Variants in WWOX observed in about 807,000 individuals in gnomAD.
The protein encoded by WWOX is WW domain-containing oxidoreductase.
WWOX carries 69 observed loss-of-function variants against 46.2 expected under a neutral mutation model. The ratio of observed to expected loss-of-function variants is 1.49; its 90% CI spans 1.23 to 1.82. The LOEUF (loss-of-function observed/expected upper bound fraction) is 1.82. Ranked by LOEUF, WWOX falls within the 40% of genes most tolerant of loss-of-function variation. WWOX has a pLI of 0.00. For missense variants in WWOX, 919 were observed against 542.6 expected, an observed-to-expected ratio of 1.69 and a Z score of -6.89; for synonymous variants, 359 against 202.6, an observed-to-expected ratio of 1.77 and a Z score of -6.56.
intron 8 of WWOX, among the ~76,000 whole-genome samples, chr16:78,867,604 A>C (rs1192601663): frequency 1.3e-5 from 2 of 151,554 alleles, no homozygotes; most frequent in Non-Finnish European, 2.9e-5. Context: ...GCCTTGGTGC[A>C]ATCTCAGTTC....
At position 78,942,880 on chromosome 16, in the gene WWOX, G is replaced by C. The variant is rs540888715; in HGVS notation, c.1057-268728G>C. On this transcript the variant is annotated intron_variant, in intron 8 of 8. Transcript: ENST00000566780. ...TAGGTCAAAGACAGCTCTTTAGAAA[G>C]AGATGTTCTTTGCTTCTTTGCTGAC... Among the ~76,000 whole-genome samples the C allele has an allele frequency of 3.9e-5, 6 of 152,278 alleles. No homozygotes were observed. In the East Asian group the frequency reaches 1.2e-3, roughly 29 times the overall value.
At chr16:78,994,101 G>T (rs762556816) in intron 8 of WWOX, among the ~76,000 whole-genome samples, 1 of 152,190 alleles carries the variant, frequency 6.6e-6, no homozygotes. Context: ...TTATGATCAA[G>T]AAACGTTACC....
intron 8 of WWOX, among the ~76,000 whole-genome samples, chr16:78,588,976 C>T (rs1444720035): frequency 6.6e-6 from 1 of 152,174 alleles, no homozygotes; most frequent in Admixed American, 6.5e-5. Context: ...CTCTCCAAAG[C>T]CTCTTGCTGG....
intron 4 of WWOX, among the ~76,000 whole-genome samples, chr16:78,136,970 C>T (rs1046093979): frequency 1.3e-5 from 2 of 152,182 alleles, no homozygotes; most frequent in African/African-American, 4.8e-5. Flanking sequence ...AGGGTGTGTG[C>T]TCTCTGTAAG....
At chr16:78,728,288 C>G (rs887808953) in intron 8 of WWOX, among the ~76,000 whole-genome samples, 2 of 151,898 alleles carry the variant, frequency 1.3e-5, no homozygotes, top group African/African-American at 4.8e-5. Context: ...TGGTCTCAAA[C>G]TGAACTCCTG....
intron 5 of WWOX, among the ~76,000 whole-genome samples, chr16:78,189,774 C>T (rs937867521): frequency 7.2e-5 from 11 of 152,264 alleles, no homozygotes; most frequent in African/African-American, 1.9e-4. Context: ...CCTGGCTCAA[C>T]CTCCTAAGTA....
At chr16:79,176,647 C>G (rs995569439) in intron 8 of WWOX, among the ~76,000 whole-genome samples, 3 of 152,126 alleles carry the variant, frequency 2.0e-5, no homozygotes, top group East Asian at 3.9e-4. Context: ...AACTTTGAAT[C>G]TATGGACATG....
At chr16:79,200,980 T>C (rs1031059450) in intron 8 of WWOX, among the ~76,000 whole-genome samples, 7 of 152,212 alleles carry the variant, frequency 4.6e-5, no homozygotes, top group Admixed American at 3.3e-4. Context: ...GAGTTATAGC[T>C]GCTTTTGAAC....
intron 8 of WWOX, among the ~76,000 whole-genome samples, chr16:78,736,632 CT>C (rs58242740): frequency 0.02 from 3,070 of 152,166 alleles, 116 homozygotes; most frequent in African/African-American, 0.07. Flanking sequence ...GGATCTGTCT[CT>C]TTCCCCCAGG....
chr16:79,058,953 A>G (rs2048313224), intron 8 of WWOX, among the ~76,000 whole-genome samples: 1 of 152,224 alleles, frequency 6.6e-6, no homozygotes, highest in South Asian at 2.1e-4. Flanking sequence ...TAAAGGTAAC[A>G]CATAGCACCT....
intron 8 of WWOX, among the ~76,000 whole-genome samples, chr16:78,882,209 G>T (rs1203107602): frequency 6.6e-6 from 1 of 152,160 alleles, no homozygotes; most frequent in Non-Finnish European, 1.5e-5. Flanking sequence ...GTGTCATAAA[G>T]CCAATACTTT....
intron 5 of WWOX, among the ~76,000 whole-genome samples, chr16:78,229,982 C>T (rs547386525): frequency 4.6e-5 from 7 of 152,174 alleles, no homozygotes; most frequent in Admixed American, 1.3e-4. Flanking sequence ...GGGGCTCAAG[C>T]GATCCTTCTG....
In WWOX at chr16:78,349,324, C is replaced by G. The variant is rs1445201851; in HGVS notation, c.517-37536C>G. ...TATAGGCCGTACCTCCAAATACAGT[C>G]ACATTCTGAGGTAGTACGGGTTAGG... On this transcript the variant is annotated intron_variant, in intron 5 of 8. Transcript: ENST00000566780. Among the ~76,000 whole-genome samples the G allele has an allele frequency of 8.3e-5, 10 of 120,902 alleles. 4 individuals carry two copies. The highest frequency in any genetic ancestry group is 2.0e-4 in the Non-Finnish European group (10 of 50,586). 79.3% of individuals were successfully genotyped at this position (120,902 alleles called of 152,430 possible).
chr16:79,017,154 GGC>G lies in WWOX; in HGVS notation c.1057-194451_1057-194450del, dbSNP rs1387362103. 183 of 152,224 alleles carry G rather than the reference GGC, an allele frequency of 1.2e-3. 2 individuals carry two copies. The highest frequency in any genetic ancestry group is 7.1e-3 in the South Asian group (34 of 4,806). The allele number at this position is 152,224 out of a possible 1,614,324, so 9.4% of individuals were successfully genotyped here. ...CACAGAAGTTACAGGTAGGCTGCCG[GGC>G]GCAGTGGCTCACGCCTGTAATCACA... On this transcript the variant is annotated intron_variant, in intron 8 of 8. Transcript: ENST00000566780.
At chr16:78,833,628 C>T (rs1356873303) in intron 8 of WWOX, among the ~76,000 whole-genome samples, 1 of 152,208 alleles carries the variant, frequency 6.6e-6, no homozygotes, top group Non-Finnish European at 1.5e-5. Context: ...ATGTTCCTTT[C>T]TCTTGTGCAT....
At chr16:78,929,199 G>T (rs1013928306) in intron 8 of WWOX, among the ~76,000 whole-genome samples, 1 of 151,778 alleles carries the variant, frequency 6.6e-6, no homozygotes, top group Non-Finnish European at 1.5e-5. Context: ...GTAAATATTC[G>T]AATTATTTTC....
chr16:79,098,620 G>C (rs148436311), intron 8 of WWOX, among the ~76,000 whole-genome samples: 146 of 152,302 alleles, frequency 9.6e-4, no homozygotes, highest in Middle Eastern at 3.4e-3. Context: ...TTGTTAAAGA[G>C]TAAGAAGAAT....
chr16:78,802,574 C>CTAATTAA (rs1189261615), intron 8 of WWOX, among the ~76,000 whole-genome samples: 1 of 151,996 alleles, frequency 6.6e-6, no homozygotes, highest in Non-Finnish European at 1.5e-5. Flanking sequence ...TCCTTAACAA[C>CTAATTAA]TAATTAATAA....
intron 8 of WWOX, among the ~76,000 whole-genome samples, chr16:79,095,277 T>C (rs2049045530): frequency 6.6e-6 from 1 of 151,324 alleles, no homozygotes; most frequent in African/African-American, 2.4e-5. Context: ...GATGGAAAAA[T>C]GGACCCTGCA....
Sources: gnomAD v4.1 joint callset for allele counts (sites outside exome capture counted in the v4.1 genomes callset) on GRCh38, gnomAD v4.1.1 for gene constraint, MANE v1.5 for transcripts, NCBI Gene and HGNC (gene_info 2026-07-23, HGNC 2026-07-21) for gene names.